Variants in ADGB observed in about 807,000 individuals in gnomAD.
The protein encoded by ADGB is calpain-7-like protein.
A neutral mutation model predicts 210.5 loss-of-function variants in ADGB; 172 were observed. The ratio of observed to expected loss-of-function variants is 0.82; its 90% CI spans 0.72 to 0.93. ADGB has a LOEUF of 0.93. Among genes scored for constraint, ADGB ranks in the 40% least tolerant of loss-of-function variants. The pLI is 0.00. For synonymous variants in ADGB, 658 were observed against 662.7 expected, an observed-to-expected ratio of 0.99 and a Z score of 0.11; for missense variants, 2,025 against 1,964.8, an observed-to-expected ratio of 1.03 and a Z score of -0.58.
At chr6:146,614,207 CCCTTCCTTCCTCCCTT>C (rs138307560) in intron 1 of ADGB, among the ~76,000 whole-genome samples, 69,016 of 132,406 alleles carry the variant, frequency 0.52, 17,552 homozygotes, top group Admixed American at 0.62. Context: ...CTCCCTTCCT[CCCTTCCTTCCTCCCTT>C]CCTTCCTTCC....
chr6:146,737,150 A>G (rs956232574), intron 23 of ADGB, among the ~76,000 whole-genome samples: 4 of 152,124 alleles, frequency 2.6e-5, no homozygotes, highest in African/African-American at 9.7e-5. Flanking sequence ...GTGGCAGAAA[A>G]AAAAAACCTC....
chr6:146,725,799 A>G (rs1216275969), intron 18 of ADGB: 8 of 251,468 alleles, frequency 3.2e-5, no homozygotes, highest in Non-Finnish European at 5.3e-5. Context: ...TCTTCACACC[A>G]TGACTGCAGT....
chr6:146,696,021 T>C (rs970238153), intron 12 of ADGB, among the ~76,000 whole-genome samples: 6 of 152,146 alleles, frequency 3.9e-5, no homozygotes, highest in African/African-American at 1.4e-4. Flanking sequence ...ATTTGTGTCA[T>C]TGCAGTGATT....
chr6:146,698,205 C>T (rs953277597), intron 12 of ADGB, among the ~76,000 whole-genome samples: 9 of 152,102 alleles, frequency 5.9e-5, no homozygotes, highest in African/African-American at 9.7e-5. Context: ...GATATTTCAG[C>T]AAGTGTACAT....
rs907546792 is a variant in ADGB, at chr6:146,733,236, C to A, written c.2637C>A (p.Ser879=). The part of the protein sequence containing the change: ...MVLDLELLNS[S]LEEVSLVEWL... Reference sequence around the variant, plus strand: ...TGGACTTGGAGTTACTCAATTCCTCCTTGGAAGAGGTTTCTTTAGGTACCC... The same window carrying A: ...TGGACTTGGAGTTACTCAATTCCTCATTGGAAGAGGTTTCTTTAGGTACCC... The change falls in exon 21 of 36, where the codon TCC becomes TCA. Residue 879 remains serine, a synonymous_variant. Coordinates refer to ENST00000397944, the MANE Select transcript of ADGB (RefSeq NM_024694.4). 1 of 1,532,454 alleles carries A rather than the reference C, an allele frequency of 6.5e-7. No individual in the cohort carries two copies. Among genetic ancestry groups the A allele is most frequent in the Non-Finnish European group, 8.8e-7 (1 of 1,138,220 alleles). The allele number at this position is 1,532,454 out of a possible 1,614,324, so 94.9% of individuals were successfully genotyped here.
At chr6:146,708,300 AC>A (rs1286617363) in intron 13 of ADGB, among the ~76,000 whole-genome samples, 1 of 152,054 alleles carries the variant, frequency 6.6e-6, no homozygotes, top group African/African-American at 2.4e-5. Context: ...CTATGTACTT[AC>A]TTTTACCAGT....
chr6:146,633,829 A>T (rs1192034476), intron 1 of ADGB, among the ~76,000 whole-genome samples: 4 of 152,152 alleles, frequency 2.6e-5, no homozygotes, highest in African/African-American at 9.6e-5. Flanking sequence ...AGCCTCATAT[A>T]TGAGAGTGGT....
intron 5 of ADGB, among the ~76,000 whole-genome samples, chr6:146,658,469 C>T (rs77329476): frequency 6.6e-6 from 1 of 151,984 alleles, no homozygotes; most frequent in Non-Finnish European, 1.5e-5. Context: ...TGCCCTGGTT[C>T]CTGTCCCACA....
In ADGB at chr6:146,815,173, C is replaced by T. The variant is rs1411515552; in HGVS notation, c.4960C>T (p.Pro1654Ser). ...AMKLETEKMT[P>S]APDTQKKKKG... ...GAAGCTGGAGACAGAAAAGATGACC[C>T]CAGCTCCTGACACACAGAAAAAAAA... Residue 1654 changes from proline (P) to serine (S), a missense_variant, in exon 36 of 36, where the codon CCA (proline) becomes TCA (serine). Physicochemically the swap from Pro to Ser is moderately conservative, Grantham distance 74 (BLOSUM62 -1). Transcript: ENST00000397944. 3 of 1,524,148 alleles carry T rather than the reference C, an allele frequency of 2.0e-6. No homozygotes were observed. The highest frequency in any genetic ancestry group is 2.5e-5 in the East Asian group (1 of 40,422). 94.4% of individuals were successfully genotyped at this position (1,524,148 alleles called of 1,614,324 possible). A position where few individuals can be genotyped will look rare whatever the true frequency, so the allele number is the denominator to read the frequency against.
intron 23 of ADGB, 90 bp from the exon 24 acceptor site, chr6:146,740,369 A>T (rs1048215163): frequency 7.7e-6 from 9 of 1,170,414 alleles, no homozygotes; most frequent in South Asian, 6.5e-5. Context: ...GCAATATCTT[A>T]TACTATTTTT....
intron 4 of ADGB, among the ~76,000 whole-genome samples, chr6:146,656,241 T>C (rs1412115999): frequency 6.6e-6 from 1 of 152,184 alleles, no homozygotes; most frequent in Non-Finnish European, 1.5e-5. Context: ...ACGTTTTACT[T>C]AGAGCATTTC....
At chr6:146,675,303 T>G (rs1040479668) in intron 8 of ADGB, among the ~76,000 whole-genome samples, 3 of 150,968 alleles carry the variant, frequency 2.0e-5, no homozygotes, top group East Asian at 2.0e-4. Context: ...AAAAGAAAAA[T>G]AAAAAGAAAA....
chr6:146,730,989 A>G (rs79238855), intron 20 of ADGB, among the ~76,000 whole-genome samples: 7,690 of 152,204 alleles, frequency 0.051, 209 homozygotes, highest in Middle Eastern at 0.071. Flanking sequence ...GAGAGAGAGG[A>G]ACAGAGAGAG....
chr6:146,745,548 T>G (rs1777215407), intron 25 of ADGB, among the ~76,000 whole-genome samples: 1 of 152,204 alleles, frequency 6.6e-6, no homozygotes, highest in African/African-American at 2.4e-5. Context: ...AAGATAGATC[T>G]GGGTTACAGG....
chr6:146,791,297 C>A (rs1010068086), intron 33 of ADGB, among the ~76,000 whole-genome samples: 2 of 152,078 alleles, frequency 1.3e-5, no homozygotes, highest in East Asian at 3.9e-4. Flanking sequence ...TCCTGTTTTT[C>A]TTCTAGTAGT....
chr6:146,626,633 T>C (rs1200587655), intron 1 of ADGB, among the ~76,000 whole-genome samples: 1 of 152,006 alleles, frequency 6.6e-6, no homozygotes, highest in Non-Finnish European at 1.5e-5. Context: ...ATGAGAACTT[T>C]GCTGTTCTTT....
chr6:146,736,976 TA>T lies in ADGB; in HGVS notation c.2888+392del, dbSNP rs374482285. Among the ~76,000 whole-genome samples the T allele has an allele frequency of 1.6e-3, 239 of 151,662 alleles. 1 individual carries two copies. Among genetic ancestry groups the T allele is most frequent in the African/African-American group, 4.4e-3 (182 of 41,342 alleles). ...GACAAGGCAGAGGTAGATCGAACCT[TA>T]AAAAAACTGCATTCTAGCCATAACT... On this transcript the variant is annotated intron_variant, in intron 23 of 35. Transcript: ENST00000397944.
Position 146,701,068 on chromosome 6 carries a change from C to A in ADGB, c.1705C>A (p.Gln569Lys), listed in dbSNP as rs1309583951. Residue 569 changes from glutamine (Q) to lysine (K), a missense_variant and splice_region_variant, in exon 13 of 36, where the codon CAG becomes AAG. Coordinates refer to ENST00000397944, the MANE Select transcript of ADGB (RefSeq NM_024694.4). ...GAGTCAAATAACAAAAGCTACATCTCAGGTGACTATGTTACTCTTACTGTT... is the reference window on the plus strand; with the variant it reads ...GAGTCAAATAACAAAAGCTACATCTAAGGTGACTATGTTACTCTTACTGTT... ...DLSQITKATS[Q>K]GNTASQVILG... is the part of the protein sequence containing the mutation. 16 of 1,549,890 alleles carry A rather than the reference C, an allele frequency of 1.0e-5. No individual in the cohort carries two copies. The East Asian group carries it at 1.7e-4, about 17-fold the overall frequency.
chr6:146,742,020 A>T (rs568427198), intron 25 of ADGB, among the ~76,000 whole-genome samples: 12 of 152,228 alleles, frequency 7.9e-5, no homozygotes, highest in Non-Finnish European at 1.3e-4. Flanking sequence ...TCAGCCTATG[A>T]TTCTATACAT....
Sources: gnomAD v4.1 joint callset for allele counts (sites outside exome capture counted in the v4.1 genomes callset) on GRCh38, gnomAD v4.1.1 for gene constraint, MANE v1.5 for transcripts, NCBI Gene and HGNC (gene_info 2026-07-23, HGNC 2026-07-21) for gene names.